LARGE1: variants seen among roughly 807,000 people sequenced by gnomAD.
The protein encoded by LARGE1 is xylosyl- and glucuronyltransferase LARGE1.
In LARGE1, 43 loss-of-function variants were observed where a neutral mutation model predicts 87.6. The ratio of observed to expected loss-of-function variants is 0.49; its 90% confidence interval spans 0.38 to 0.63. The LOEUF is 0.63. LARGE1 is among the 30% of genes least tolerant of loss of function. The pLI, the probability that LARGE1 is intolerant of heterozygous loss-of-function variation, is 0.00. For synonymous variants in LARGE1, 434 were observed against 394.6 expected (o/e 1.10, Z -1.18); for missense variants, 802 against 1,000.2 (o/e 0.80, Z 2.67).
At chr22:33,232,064 G>A (rs74863525) in intron 11 of LARGE1, among the ~76,000 whole-genome samples, 3,253 of 152,210 alleles carry the variant, frequency 0.021, 117 homozygotes, top group African/African-American at 0.073. Flanking sequence ...TTAGCAGAGG[G>A]GTCAGGATTC....
At chr22:33,276,929 TA>T (rs1929421579) in intron 14 of LARGE1, 130 bp downstream of exon 14, 1 of 889,766 alleles carries the variant, frequency 1.1e-6, no homozygotes, top group African/African-American at 1.6e-5. Context: ...GGATCAGTAC[TA>T]CCACTGGTCC....
chr22:33,588,549 A>G (rs1169369932), intron 5 of LARGE1, among the ~76,000 whole-genome samples: 1 of 152,220 alleles, frequency 6.6e-6, no homozygotes, highest in Non-Finnish European at 1.5e-5. Flanking sequence ...ACGCACGCAT[A>G]TAAAACTTAA....
intron 12 of LARGE1, among the ~76,000 whole-genome samples, chr22:33,287,721 T>G (rs1931802287): frequency 6.6e-6 from 1 of 152,192 alleles, no homozygotes; most frequent in Non-Finnish European, 1.5e-5. Flanking sequence ...TGCAGAGTCT[T>G]CCAGGAACAG....
intron 12 of LARGE1, among the ~76,000 whole-genome samples, chr22:33,302,576 C>T (rs1934307875): frequency 1.3e-5 from 2 of 152,098 alleles, no homozygotes; most frequent in Admixed American, 1.3e-4. Flanking sequence ...GGCTTCCCGA[C>T]AGAAAGTTTA....
intron 2 of LARGE1, among the ~76,000 whole-genome samples, chr22:33,737,036 C>T (rs2083680924): frequency 6.6e-6 from 1 of 152,182 alleles, no homozygotes; most frequent in Non-Finnish European, 1.5e-5. Flanking sequence ...GACCTGGATG[C>T]TGTGTAGGTC....
chr22:33,480,900 C>T (rs1406088599), intron 6 of LARGE1, among the ~76,000 whole-genome samples: 1 of 152,096 alleles, frequency 6.6e-6, no homozygotes, highest in Non-Finnish European at 1.5e-5. Flanking sequence ...CGACACTCCA[C>T]ATTTTATGTA....
intron 11 of LARGE1, among the ~76,000 whole-genome samples, chr22:33,245,275 C>T (rs1349093400): frequency 2.6e-5 from 4 of 152,204 alleles, no homozygotes; most frequent in Non-Finnish European, 5.9e-5. Context: ...GGCAAGAGCA[C>T]TGTTGTGTTG....
At chr22:33,190,032 TATGAGATA>T (rs1184018315) in intron 11 of LARGE1, among the ~76,000 whole-genome samples, 1 of 152,214 alleles carries the variant, frequency 6.6e-6, no homozygotes, top group East Asian at 1.9e-4. Flanking sequence ...CTCATACTTT[TATGAGATA>T]ATTAATATTT....
intron 1 of LARGE1, among the ~76,000 whole-genome samples, chr22:33,836,429 G>A (rs1248501700): frequency 1.3e-5 from 2 of 152,170 alleles, no homozygotes; most frequent in Admixed American, 6.5e-5. Context: ...CCTCAGGCCA[G>A]CAGGACCAAG....
intron 5 of LARGE1, among the ~76,000 whole-genome samples, chr22:33,579,373 C>G (rs985233098): frequency 3.9e-5 from 6 of 152,162 alleles, no homozygotes. Context: ...ATTTTAAGTC[C>G]AGTTAAATCT....
chr22:33,539,704 C>T (rs912476138), intron 6 of LARGE1, among the ~76,000 whole-genome samples: 14 of 151,428 alleles, frequency 9.2e-5, no homozygotes, highest in Admixed American at 3.9e-4. Context: ...GATCCTCCCA[C>T]CTCAGCCTAC....
chr22:33,476,802 G>A (rs2069099983), intron 6 of LARGE1, among the ~76,000 whole-genome samples: 1 of 151,974 alleles, frequency 6.6e-6, no homozygotes, highest in Non-Finnish European at 1.5e-5. Context: ...GGCAGAAGCA[G>A]AGAAACTCAA....
chr22:33,865,052 G>A (rs954545086), intron 1 of LARGE1, among the ~76,000 whole-genome samples: 1 of 152,204 alleles, frequency 6.6e-6, no homozygotes, highest in Non-Finnish European at 1.5e-5. Flanking sequence ...GAACACGTTT[G>A]GATGCACTGT....
At chr22:33,710,596 AT>A (rs763739352) in intron 2 of LARGE1, among the ~76,000 whole-genome samples, 51 of 152,354 alleles carry the variant, frequency 3.3e-4, no homozygotes, top group Middle Eastern at 3.4e-3. Context: ...AATCAGAGGC[AT>A]TTAGACTGGA....
chr22:33,252,020 A>T (rs942323107), intron 11 of LARGE1, among the ~76,000 whole-genome samples: 1 of 152,326 alleles, frequency 6.6e-6, no homozygotes, highest in African/African-American at 2.4e-5. Flanking sequence ...AAAGCAACAG[A>T]AAAGAAAGTG....
In LARGE1 at chr22:33,382,365, G is replaced by A. The variant is rs2147117075; in HGVS notation, c.1006-321C>T. On this transcript the variant is annotated intron_variant, in intron 8 of 14. Transcript: ENST00000397394. Reference sequence around the variant, plus strand: ...CCCTCACTGGCATATGAAAAACGAAGTCTCCTTCCCCTCTGGCCTCCTAGG... The same window carrying A: ...CCCTCACTGGCATATGAAAAACGAAATCTCCTTCCCCTCTGGCCTCCTAGG... 1.3e-5 allele frequency among the ~76,000 whole-genome samples: 2 copies of A among 152,232 alleles called. 1 individual carries two copies. The highest frequency in any genetic ancestry group is 6.8e-3 in the Middle Eastern group (2 of 294).
intron 11 of LARGE1, among the ~76,000 whole-genome samples, chr22:33,225,412 A>G (rs1313364726): frequency 6.6e-6 from 1 of 152,242 alleles, no homozygotes; most frequent in East Asian, 1.9e-4. Flanking sequence ...TTTAAGAATA[A>G]ACATTGGATG....
chr22:33,723,624 G>A (rs1200389403), intron 2 of LARGE1, among the ~76,000 whole-genome samples: 1 of 152,162 alleles, frequency 6.6e-6, no homozygotes, highest in Non-Finnish European at 1.5e-5. Flanking sequence ...TTTGGAAAAT[G>A]ACTAAGAAAT....
chr22:33,548,704 C>T (rs1205426923), intron 6 of LARGE1, among the ~76,000 whole-genome samples: 1 of 152,216 alleles, frequency 6.6e-6, no homozygotes, highest in African/African-American at 2.4e-5. Flanking sequence ...CACGAGCCAT[C>T]ATACCCGGCT....
Sources: allele counts gnomAD v4.1 joint callset (sites outside exome capture counted in the v4.1 genomes callset), GRCh38; gene constraint gnomAD v4.1.1; transcripts MANE v1.5; gene names NCBI Gene and HGNC (gene_info 2026-07-23, HGNC 2026-07-21).